The following TMTC2 variants were observed in gnomAD, a reference collection of about 807,000 sequenced individuals.
The protein encoded by TMTC2 is transmembrane O-mannosyltransferase targeting cadherins 2, also known as protein O-mannosyl-transferase TMTC2.
A neutral mutation model predicts 82.4 loss-of-function variants in TMTC2; 43 were observed. The observed-to-expected ratio is 0.52, with a 90% CI of 0.41 to 0.67. The LOEUF (loss-of-function observed/expected upper bound fraction) is 0.67, where lower values mean the gene tolerates loss of function less well. TMTC2 is among the 30% of genes least tolerant of loss of function. The pLI, the probability that TMTC2 is intolerant of heterozygous loss-of-function variation, is 0.00. For missense variants in TMTC2, 919 were observed against 1,012.4 expected, an observed-to-expected ratio of 0.91 and a Z score of 1.25; for synonymous variants, 408 against 381.9, an observed-to-expected ratio of 1.07 and a Z score of -0.80.
chr12:82,857,157 T>C lies in TMTC2; in HGVS notation c.231T>C (p.His77=), dbSNP rs749657411. ...PLCTLSFRLN[H]AIGGLNPWSY... ...GCACTCTTTCTTTTCGCCTGAACCA[T>C]GCCATTGGAGGGTTGAATCCCTGGA... is the stretch of plus-strand genomic sequence containing the variant. The change falls in exon 2 of 12, where the codon CAT becomes CAC. Residue 77 remains histidine (H), a synonymous_variant. Transcript: ENST00000321196. The C allele has an allele frequency of 1.7e-5, 27 of 1,614,180 alleles. No homozygotes were observed. Among genetic ancestry groups the C allele is most frequent in the East Asian group, 6.7e-5 (3 of 44,872 alleles).
chr12:82,856,812 G>A (rs912064898), intron 1 of TMTC2, among the ~76,000 whole-genome samples, 198 bp from the exon 2 acceptor site: 3 of 152,098 alleles, frequency 2.0e-5, no homozygotes, highest in Non-Finnish European at 2.9e-5. Context: ...AAGCTTTTAA[G>A]GAAGAGAAAA....
chr12:82,934,026 A>T (rs2137248869), intron 4 of TMTC2, among the ~76,000 whole-genome samples: 1 of 152,244 alleles, frequency 6.6e-6, no homozygotes, highest in African/African-American at 2.4e-5. Context: ...TAGTAGCAGT[A>T]GCTTCAATTA....
At chr12:82,894,489 T>C (rs1299762162) in intron 2 of TMTC2, among the ~76,000 whole-genome samples, 1 of 152,176 alleles carries the variant, frequency 6.6e-6, no homozygotes, top group African/African-American at 2.4e-5. Flanking sequence ...AAATTAAATA[T>C]TTGGTGTATC....
chr12:82,823,724 C>T (rs11115445), intron 1 of TMTC2, among the ~76,000 whole-genome samples: 19,433 of 152,074 alleles, frequency 0.13, 1,916 homozygotes, highest in African/African-American at 0.28. Flanking sequence ...CCCCAGGTAA[C>T]CCTGTTCTTG....
intron 3 of TMTC2, among the ~76,000 whole-genome samples, chr12:82,928,086 A>G (rs1875825068): frequency 6.6e-6 from 1 of 152,208 alleles, no homozygotes; most frequent in African/African-American, 2.4e-5. Flanking sequence ...AGATATAAGT[A>G]TCAAAGAAAT....
chr12:82,818,820 T>C (rs1868903414), intron 1 of TMTC2, among the ~76,000 whole-genome samples: 1 of 152,160 alleles, frequency 6.6e-6, no homozygotes, highest in Non-Finnish European at 1.5e-5. Context: ...TACAAGCTAA[T>C]TACAAGTTAA....
At chr12:82,736,642 C>T (rs1056187140) in intron 1 of TMTC2, among the ~76,000 whole-genome samples, 1 of 152,172 alleles carries the variant, frequency 6.6e-6, no homozygotes, top group South Asian at 2.1e-4. Context: ...CTAAAATTTT[C>T]TATGGTCTGG....
intron 6 of TMTC2, 84 bp downstream of exon 6, chr12:82,965,828 G>A: frequency 6.7e-7 from 1 of 1,500,636 alleles, no homozygotes; most frequent in South Asian, 1.1e-5. Flanking sequence ...CCTCCTTTGA[G>A]CCTATGTCCT....
chr12:82,919,424 T>C (rs184501456), intron 3 of TMTC2, among the ~76,000 whole-genome samples: 8 of 152,296 alleles, frequency 5.3e-5, no homozygotes, highest in Admixed American at 2.0e-4. Flanking sequence ...GCACCCAAAA[T>C]TTATGTCCTT....
chr12:83,031,895 C>T (rs1445026770), intron 9 of TMTC2, among the ~76,000 whole-genome samples: 1 of 152,134 alleles, frequency 6.6e-6, no homozygotes, highest in Admixed American at 6.6e-5. Flanking sequence ...GCATTATCTT[C>T]CCAGCATTAA....
chr12:82,819,722 C>G (rs567952924), intron 1 of TMTC2, among the ~76,000 whole-genome samples: 1 of 152,028 alleles, frequency 6.6e-6, no homozygotes, highest in South Asian at 2.1e-4. Context: ...AGGCTGGTCT[C>G]AAACTCCTGA....
At chr12:82,884,276 G>C (rs1250879695) in intron 2 of TMTC2, among the ~76,000 whole-genome samples, 3 of 152,142 alleles carry the variant, frequency 2.0e-5, no homozygotes, top group South Asian at 2.1e-4. Context: ...GGGTTTAGAG[G>C]CATCCTTTCT....
chr12:83,097,538 G>C (rs1054799773), intron 11 of TMTC2, among the ~76,000 whole-genome samples: 1 of 152,090 alleles, frequency 6.6e-6, no homozygotes, highest in Admixed American at 6.5e-5. Context: ...CCTGTTCACT[G>C]TCAACACTGC....
rs529213684 is a variant in TMTC2, at chr12:82,865,238, C to T, written c.654+7658C>T. Among the ~76,000 whole-genome samples the T allele has an allele frequency of 3.9e-5, 6 of 151,954 alleles. No homozygotes were observed. In the South Asian group the frequency reaches 6.2e-4, roughly 16 times the overall value. On this transcript the variant is annotated intron_variant, in intron 2 of 11. Transcript: ENST00000321196. Reference sequence around the variant, plus strand: ...CAAGACTCCGATAAAGAGTCAAGACCCATCACTGTGCTGTATTCAGGAAAC... The same window carrying T: ...CAAGACTCCGATAAAGAGTCAAGACTCATCACTGTGCTGTATTCAGGAAAC...
intron 3 of TMTC2, among the ~76,000 whole-genome samples, chr12:82,910,100 G>T (rs186739268): frequency 1.3e-5 from 2 of 152,088 alleles, no homozygotes; most frequent in African/African-American, 2.4e-5. Flanking sequence ...GCCTTATCAC[G>T]CACTGGTGCC....
At position 83,134,659 on chromosome 12, in the gene TMTC2, C is replaced by T. The variant is rs1592517733; in HGVS notation, c.*2270C>T. 1 of 152,118 alleles carries T rather than the reference C, an allele frequency of 6.6e-6. No homozygotes were observed. Among genetic ancestry groups the T allele is most frequent in the Non-Finnish European group, 1.5e-5 (1 of 68,028 alleles). 9.4% of individuals were successfully genotyped at this position (152,118 alleles called of 1,614,324 possible). A position where few individuals can be genotyped will look rare whatever the true frequency, so the allele number is the denominator to read the frequency against. On this transcript the variant is annotated 3_prime_UTR_variant, in exon 12 of 12. Transcript: ENST00000321196. Reference sequence around the variant, plus strand: ...GCGTTAGAACATGATCAAAAAATGTCTCCGCTCAGGGATTTATGGTGGATT... The same window carrying T: ...GCGTTAGAACATGATCAAAAAATGTTTCCGCTCAGGGATTTATGGTGGATT...
At chr12:82,815,077 G>A (rs2137054317) in intron 1 of TMTC2, among the ~76,000 whole-genome samples, 1 of 152,078 alleles carries the variant, frequency 6.6e-6, no homozygotes, top group Middle Eastern at 3.4e-3. Flanking sequence ...ATAGTAGTGT[G>A]TGACAAACAT....
chr12:82,875,514 C>A (rs181941639), intron 2 of TMTC2, among the ~76,000 whole-genome samples: 58 of 152,266 alleles, frequency 3.8e-4, no homozygotes, highest in African/African-American at 1.3e-3. Flanking sequence ...GCTCATTGAG[C>A]AAGTATCTTT....
chr12:82,927,537 A>G (rs998249068), intron 3 of TMTC2, among the ~76,000 whole-genome samples: 10 of 152,248 alleles, frequency 6.6e-5, no homozygotes, highest in African/African-American at 2.4e-4. Flanking sequence ...TTGATAAAGC[A>G]GTTGCAGGGT....
Sources: gnomAD v4.1 joint callset for allele counts (sites outside exome capture counted in the v4.1 genomes callset) on GRCh38, gnomAD v4.1.1 for gene constraint, MANE v1.5 for transcripts, NCBI Gene and HGNC (gene_info 2026-07-23, HGNC 2026-07-21) for gene names.